HECTD2: variants seen among roughly 807,000 people sequenced by gnomAD.
The protein encoded by HECTD2 is probable E3 ubiquitin-protein ligase HECTD2.
In HECTD2, 35 loss-of-function variants were observed where a neutral mutation model predicts 103.2. That is an observed-to-expected ratio of 0.34 (90% confidence interval 0.26 to 0.45). HECTD2 has a LOEUF of 0.45. Among genes scored for constraint, HECTD2 ranks in the 20% least tolerant of loss-of-function variants. The pLI, the probability that HECTD2 is intolerant of heterozygous loss-of-function variation, is 1.00. For missense variants in HECTD2, 596 were observed against 937.4 expected, an observed-to-expected ratio of 0.64 and a Z score of 4.76; for synonymous variants, 281 against 329.9, an observed-to-expected ratio of 0.85 and a Z score of 1.61.
intron 2 of HECTD2, among the ~76,000 whole-genome samples, chr10:91,443,346 G>A (rs1844443513): frequency 1.4e-5 from 2 of 139,394 alleles, no homozygotes; most frequent in South Asian, 2.4e-4. Context: ...TAGAAGGAAA[G>A]GTCTGCTGGA....
chr10:91,410,291 G>A (rs1418713235), upstream of HECTD2: 15 of 242,742 alleles, frequency 6.2e-5, no homozygotes, highest in Admixed American at 2.0e-4. Flanking sequence ...CAAAGGCGCG[G>A]GCGCGGGCGG....
intron 2 of HECTD2, among the ~76,000 whole-genome samples, chr10:91,453,427 T>TCA (rs1003792427): frequency 2.6e-5 from 4 of 152,060 alleles, no homozygotes; most frequent in Non-Finnish European, 5.9e-5. Context: ...CAAGACCCTG[T>TCA]CACACACACA....
At chr10:91,417,919 T>C (rs1843197525) in intron 1 of HECTD2, among the ~76,000 whole-genome samples, 1 of 152,224 alleles carries the variant, frequency 6.6e-6, no homozygotes, top group South Asian at 2.1e-4. Flanking sequence ...TTTCTAGTTC[T>C]AGATCCCTGA....
intron 5 of HECTD2, among the ~76,000 whole-genome samples, chr10:91,466,101 G>A (rs1282661485): frequency 1.3e-5 from 2 of 152,030 alleles, no homozygotes; most frequent in African/African-American, 4.8e-5. Flanking sequence ...TTATTGATTC[G>A]GTTCCTTTAG....
intron 2 of HECTD2, among the ~76,000 whole-genome samples, chr10:91,429,692 G>T (rs983756156): frequency 1.3e-5 from 2 of 151,976 alleles, no homozygotes; most frequent in African/African-American, 4.8e-5. Flanking sequence ...TTCTCTGATG[G>T]TAGTTTGTAT....
intron 3 of HECTD2, among the ~76,000 whole-genome samples, chr10:91,461,026 C>T (rs1015620185): frequency 1.3e-5 from 2 of 152,114 alleles, no homozygotes; most frequent in Non-Finnish European, 2.9e-5. Flanking sequence ...AATTGAGCGA[C>T]ATGTTAAGGA....
chr10:91,460,129 GA>G (rs1845280951), intron 2 of HECTD2, among the ~76,000 whole-genome samples: 1 of 152,070 alleles, frequency 6.6e-6, no homozygotes, highest in Admixed American at 6.6e-5. Flanking sequence ...GAGGGGAGAG[GA>G]AAGAAATGCT....
chr10:91,479,586 T>C (rs1007331105), intron 6 of HECTD2, among the ~76,000 whole-genome samples: 1 of 152,234 alleles, frequency 6.6e-6, no homozygotes, highest in Admixed American at 6.5e-5. Flanking sequence ...TACTGTAATT[T>C]ACCTAACCAT....
chr10:91,479,443 AATC>A (rs1211929374), intron 6 of HECTD2, among the ~76,000 whole-genome samples: 1 of 152,208 alleles, frequency 6.6e-6, no homozygotes, highest in Admixed American at 6.5e-5. Context: ...AAACAATTAA[AATC>A]ATACTGTATA....
chr10:91,494,545 T>C (rs1387680370), intron 14 of HECTD2, among the ~76,000 whole-genome samples: 1 of 152,010 alleles, frequency 6.6e-6, no homozygotes, highest in African/African-American at 2.4e-5. Flanking sequence ...ATGAGACATA[T>C]ATATGGAAAC....
intron 2 of HECTD2, among the ~76,000 whole-genome samples, chr10:91,427,721 T>G (rs1405696455): frequency 6.6e-6 from 1 of 152,178 alleles, no homozygotes; most frequent in East Asian, 1.9e-4. Flanking sequence ...TAAATTTGTT[T>G]GAGTTCATTG....
At chr10:91,479,689 G>A (rs1424252573) in intron 6 of HECTD2, among the ~76,000 whole-genome samples, 1 of 152,044 alleles carries the variant, frequency 6.6e-6, no homozygotes, top group African/African-American at 2.4e-5. Context: ...AATTTTTTTA[G>A]AAATATAATT....
chr10:91,469,887 G>A (rs1373074352), intron 5 of HECTD2, among the ~76,000 whole-genome samples: 8 of 152,048 alleles, frequency 5.3e-5, no homozygotes, highest in Admixed American at 2.6e-4. Flanking sequence ...GCTCTAGCAA[G>A]AACAATAGAA....
Position 91,410,595 on chromosome 10 carries a change from CCGTCT to C in HECTD2, c.138+20_138+24del, listed in dbSNP as rs1842878476. 2 of 1,215,494 alleles carry C rather than the reference CCGTCT, an allele frequency of 1.6e-6. No homozygotes were observed. The highest frequency in any genetic ancestry group is 6.8e-5 in the African/African-American group (2 of 29,306). 75.3% of individuals were successfully genotyped at this position (1,215,494 alleles called of 1,614,324 possible). ...GACCGCGGTAGGTGGTGGGCCGGGG[CCGTCT>C]GGCGCCCCGGACGGCGGGAGTTGGG... On this transcript the variant is annotated intron_variant, in intron 1 of 20. Transcript: ENST00000298068.
chr10:91,456,005 G>A (rs1225403589), intron 2 of HECTD2, among the ~76,000 whole-genome samples: 10 of 151,294 alleles, frequency 6.6e-5, no homozygotes, highest in African/African-American at 1.7e-4. Flanking sequence ...GTCAGGTAGC[G>A]TGATGCCTCC....
At chr10:91,465,354 T>A (rs1475419533) in intron 5 of HECTD2, among the ~76,000 whole-genome samples, 3 of 152,160 alleles carry the variant, frequency 2.0e-5, no homozygotes, top group Non-Finnish European at 4.4e-5. Flanking sequence ...GTTCTAGCCC[T>A]GTGCACTGAA....
At chr10:91,410,946 G>GTGCCTGCC (rs946422515) in intron 1 of HECTD2, among the ~76,000 whole-genome samples, 1 of 152,114 alleles carries the variant, frequency 6.6e-6, no homozygotes, top group African/African-American at 2.4e-5. Flanking sequence ...TTCCACGGAG[G>GTGCCTGCC]TGCCTGCCTG....
chr10:91,472,577 C>T (rs1845765824), intron 5 of HECTD2, among the ~76,000 whole-genome samples: 1 of 152,032 alleles, frequency 6.6e-6, no homozygotes, highest in Non-Finnish European at 1.5e-5. Context: ...GTCTAATATC[C>T]AGAATCTATA....
At chr10:91,496,930 T>C (rs1846688895) in intron 15 of HECTD2, among the ~76,000 whole-genome samples, 2 of 151,548 alleles carry the variant, frequency 1.3e-5, no homozygotes, top group Admixed American at 1.3e-4. Flanking sequence ...TATTTATGGA[T>C]AATTTCAATT....
Sources: allele counts gnomAD v4.1 joint callset (sites outside exome capture counted in the v4.1 genomes callset), GRCh38; gene constraint gnomAD v4.1.1; transcripts MANE v1.5; gene names NCBI Gene and HGNC (gene_info 2026-07-23, HGNC 2026-07-21).